COPB2: variants seen among roughly 807,000 people sequenced by gnomAD.
COPB2 encodes the protein coatomer subunit beta'.
COPB2 carries 16 observed loss-of-function variants against 120.8 expected under a neutral mutation model. The ratio of observed to expected loss-of-function variants is 0.13; its 90% CI spans 0.09 to 0.20. The LOEUF is 0.20. Ranked by LOEUF, COPB2 falls within the 10% of genes least tolerant of loss-of-function variation. COPB2 has a pLI of 1.00. For missense variants in COPB2, 794 were observed against 1,076.5 expected, an observed-to-expected ratio of 0.74 and a Z score of 3.67; for synonymous variants, 332 against 366.3, an observed-to-expected ratio of 0.91 and a Z score of 1.07.
chr3:139,366,794 C>G lies in COPB2; in HGVS notation c.1677-19G>C. 6.2e-7 allele frequency: 1 copy of G among 1,607,064 alleles called. No individual in the cohort carries two copies. Among genetic ancestry groups the G allele is most frequent in the Middle Eastern group, 1.7e-4 (1 of 5,820 alleles). On this transcript the variant is annotated intron_variant, in intron 14 of 21. Transcript: ENST00000333188. ...CATCGTCCTATAAAAGAAACAGAAA[C>G]CAAGTTAGAAATTCAAATCTGCAAT... is the stretch of plus-strand genomic sequence containing the variant.
At chr3:139,363,167 GT>G (rs1320302933) in intron 15 of COPB2, among the ~76,000 whole-genome samples, 4 of 152,198 alleles carry the variant, frequency 2.6e-5, no homozygotes, top group African/African-American at 9.6e-5. Flanking sequence ...AAGACAGGAA[GT>G]CTAAAATTTC....
At chr3:139,366,893 C>A (rs1396182346) in intron 14 of COPB2, 118 bp from the exon 15 acceptor site, 2 of 1,473,298 alleles carry the variant, frequency 1.4e-6, no homozygotes, top group Non-Finnish European at 1.9e-6. Flanking sequence ...TTCTGGTTAA[C>A]AATAGGCAAC....
intron 10 of COPB2, among the ~76,000 whole-genome samples, chr3:139,371,021 A>T (rs1941615150): frequency 6.6e-6 from 1 of 152,196 alleles, no homozygotes; most frequent in South Asian, 2.1e-4. Flanking sequence ...TGCAACATAA[A>T]ATGTGGGGCA....
In COPB2 at chr3:139,375,341, G is replaced by A. The variant is rs1346061390; in HGVS notation, c.651+127C>T. The A allele has an allele frequency of 5.9e-6, 5 of 852,856 alleles. No individual in the cohort carries two copies. In the East Asian group the frequency reaches 1.5e-4, roughly 25 times the overall value. The allele number at this position is 852,856 out of a possible 1,614,324, so 52.8% of individuals were successfully genotyped here. ...GGAGAATTCTGGGAACACAGTTTAG[G>A]TGCAAATACTGATACCTTAAGTTAT... On this transcript the variant is annotated intron_variant, in intron 6 of 21. Coordinates refer to ENST00000333188, the MANE Select transcript of COPB2 (RefSeq NM_004766.3).
chr3:139,360,223 A>T (rs1458421350), intron 17 of COPB2, among the ~76,000 whole-genome samples: 1 of 150,062 alleles, frequency 6.7e-6, no homozygotes, highest in African/African-American at 2.4e-5. Context: ...ATGTAGGAGA[A>T]GGTTAAAGAA....
intron 20 of COPB2, 144 bp downstream of exon 20, chr3:139,358,600 G>A (rs1189213237): frequency 1.6e-6 from 1 of 640,556 alleles, no homozygotes; most frequent in African/African-American, 1.8e-5. Flanking sequence ...AGAATGGCGT[G>A]AACCCGGGAG....
chr3:139,359,258 A>T lies in COPB2; in HGVS notation c.2303+12T>A, dbSNP rs1941364007. The T allele has an allele frequency of 1.2e-6, 2 of 1,613,480 alleles. No homozygotes were observed. Among genetic ancestry groups the T allele is most frequent in the Non-Finnish European group, 1.7e-6 (2 of 1,179,704 alleles). On this transcript the variant is annotated intron_variant, in intron 18 of 21. Coordinates refer to ENST00000333188, the MANE Select transcript of COPB2 (RefSeq NM_004766.3). ...ATTGGAAACATTTCTTCCTAAAATT[A>T]AAAGTCTGTACCTTGAAACCTGACT... is the stretch of plus-strand genomic sequence containing the variant.
chr3:139,360,965 CG>C (rs1430249315), intron 17 of COPB2, 115 bp downstream of exon 17: 1 of 1,119,258 alleles, frequency 8.9e-7, no homozygotes, highest in Non-Finnish European at 1.3e-6. Flanking sequence ...CTGACTGCCC[CG>C]TCTATTCAAC....
intron 15 of COPB2, among the ~76,000 whole-genome samples, chr3:139,365,131 TC>T (rs1560014043): frequency 6.6e-6 from 1 of 151,844 alleles, no homozygotes; most frequent in Admixed American, 6.6e-5. Context: ...TTCATGAAAA[TC>T]CTTCAGAAAT....
At position 139,384,220 on chromosome 3, in the gene COPB2, C is replaced by A. The variant is rs1278614158; in HGVS notation, c.4-785G>T. On this transcript the variant is annotated intron_variant, in intron 1 of 21. Coordinates refer to ENST00000333188, the MANE Select transcript of COPB2 (RefSeq NM_004766.3). ...AAGTCCATACTTTGAATGGATCTTT[C>A]TCTCATGCATGTTTTTCTACCATTA... Among the ~76,000 whole-genome samples the A allele has an allele frequency of 2.6e-5, 4 of 152,156 alleles. No homozygotes were observed. In the East Asian group the frequency reaches 7.7e-4, roughly 29 times the overall value.
chr3:139,370,941 G>A (rs1248797144), intron 10 of COPB2, among the ~76,000 whole-genome samples: 1 of 152,098 alleles, frequency 6.6e-6, no homozygotes, highest in African/African-American at 2.4e-5. Flanking sequence ...TCTTACTGTT[G>A]TAACATTTTA....
In COPB2 at chr3:139,373,343, C is replaced by A; in HGVS notation, c.964G>T (p.Val322Phe). The A allele has an allele frequency of 1.9e-6, 3 of 1,614,194 alleles. No homozygotes were observed. The highest frequency in any genetic ancestry group is 2.2e-5 in the South Asian group (2 of 91,082). The change falls in exon 9 of 22, where the codon GTC becomes TTC. Residue 322 changes from valine to phenylalanine, a missense_variant. This residue lies in a region of COPB2 where 610 missense variants were observed against 866.7 expected (regional missense o/e 0.70). Transcript: ENST00000333188. The part of the protein sequence containing the change: ...GKIIWAKHSE[V>F]QQANLKAMGD... ...ATTGCTTTTAGGTTGGCCTGCTGGA[C>A]TTCTGAATGCTTGGCCCAAATTATC...
chr3:139,388,216 T>C (rs1246485434), intron 1 of COPB2: 1 of 152,074 alleles, frequency 6.6e-6, no homozygotes, highest in Non-Finnish European at 1.5e-5. Context: ...GTGCTCTAAT[T>C]AAGAGGCTTG....
chr3:139,367,076 A>C lies in COPB2; in HGVS notation c.1615T>G (p.Ser539Ala). Residue 539 changes from serine to alanine, a missense_variant, in exon 14 of 22, where the codon TCT (serine) becomes GCT (alanine). Ser to Ala is a moderately conservative substitution (Grantham distance 99). Coordinates refer to ENST00000333188, the MANE Select transcript of COPB2 (RefSeq NM_004766.3). ...WVGDCFIYTS[S>A]VNRLNYYVGG... ...ACATAATAATTTAATCTGTTCACAG[A>C]ACTTGTGTAAATGAAGCAATCGCCT... 2.5e-6 allele frequency: 4 copies of C among 1,614,054 alleles called. No individual in the cohort carries two copies. The Middle Eastern group carries it at 6.6e-4, about 266-fold the overall frequency.
In COPB2 at chr3:139,362,385, A is replaced by C. The variant is rs149175782; in HGVS notation, c.1995+22T>G. The C allele has an allele frequency of 8.4e-4, 1,298 of 1,549,354 alleles. 12 individuals are homozygous for C. In the African/African-American group the frequency reaches 0.016, roughly 19 times the overall value. On this transcript the variant is annotated intron_variant, in intron 16 of 21. Transcript: ENST00000333188. The stretch of plus-strand genomic sequence containing the variant: ...CTACTGACTTTTCCATCAGTTATGA[A>C]AAATCATGAATTAGTACATACCTCT...
At chr3:139,375,744 T>TA in intron 5 of COPB2, 130 bp from the exon 6 acceptor site, 2 of 1,165,002 alleles carry the variant, frequency 1.7e-6, no homozygotes, top group Non-Finnish European at 1.1e-6. Context: ...TTTTATTTTT[T>TA]ATCCTGTTTG....
Position 139,367,034 on chromosome 3 carries a change from T to C in COPB2, c.1657A>G (p.Thr553Ala). Residue 553 changes from threonine to alanine, a missense_variant, in exon 14 of 22, where the codon ACC becomes GCC. Around this residue, in one of 3 missense-constraint regions of COPB2, gnomAD observed 610 missense variants for 866.7 expected, o/e 0.70. Transcript: ENST00000333188. Reference protein sequence around the residue: ...LNYYVGGEIVTIAHLDRTMYL... With the variant: ...LNYYVGGEIVAIAHLDRTMYL... ...AGGTACCTGTCCAAGTGGGCAATGG[T>C]GACTATTTCTCCTCCAACATAATAA... The C allele has an allele frequency of 5.0e-6, 8 of 1,612,446 alleles. No individual in the cohort carries two copies. Among genetic ancestry groups the C allele is most frequent in the Non-Finnish European group, 6.8e-6 (8 of 1,179,564 alleles).
intron 5 of COPB2, 27 bp from the exon 6 acceptor site, chr3:139,375,641 T>G: frequency 1.2e-6 from 2 of 1,610,282 alleles, no homozygotes; most frequent in Non-Finnish European, 1.7e-6. Context: ...CATCGGCCAG[T>G]CAATATGGGG....
chr3:139,359,304 A>T lies in COPB2; in HGVS notation c.2269T>A (p.Leu757Met). The change falls in exon 18 of 22, where the codon TTG (leucine) becomes ATG (methionine). Residue 757 changes from leucine (L) to methionine (M), a missense_variant. Around this residue, in one of 3 missense-constraint regions of COPB2, gnomAD observed 178 missense variants for 183.2 expected, o/e 0.97. Transcript: ENST00000333188. Reference protein sequence around the residue: ...RTGRLPEAAFLARTYLPSQVS... With the variant: ...RTGRLPEAAFMARTYLPSQVS... ...TGACTGGGTAAGTAAGTTCGGGCCA[A>T]GAAGGCAGCTTCTGGCAGCCGTCCA... 1 of 1,614,244 alleles carries T rather than the reference A, an allele frequency of 6.2e-7. No individual in the cohort carries two copies. The highest frequency in any genetic ancestry group is 8.5e-7 in the Non-Finnish European group (1 of 1,180,034).
Sources: allele counts gnomAD v4.1 joint callset (sites outside exome capture counted in the v4.1 genomes callset), GRCh38; gene constraint gnomAD v4.1.1; regional missense constraint gnomAD v4.1.1; transcripts MANE v1.5; gene names NCBI Gene and HGNC (gene_info 2026-07-23, HGNC 2026-07-21).